The following CFAP44 variants were observed in gnomAD, a reference collection of about 807,000 sequenced individuals.
CFAP44 encodes cilia- and flagella-associated protein 44.
CFAP44 carries 134 observed loss-of-function variants against 216.2 expected under a neutral mutation model. The observed-to-expected ratio is 0.62, with a 90% CI of 0.54 to 0.72. CFAP44 has a LOEUF of 0.72. Among genes scored for constraint, CFAP44 ranks in the 30% least tolerant of loss-of-function variants. The pLI, the probability that CFAP44 is intolerant of heterozygous loss-of-function variation, is 0.00. For synonymous variants in CFAP44, 700 were observed against 727.6 expected, an observed-to-expected ratio of 0.96 and a Z score of 0.61; for missense variants, 2,035 against 2,182.1, an observed-to-expected ratio of 0.93 and a Z score of 1.34.
At position 113,380,945 on chromosome 3, in the gene CFAP44, A is replaced by T. The variant is rs1027877774; in HGVS notation, c.2006T>A (p.Met669Lys). 2 of 1,594,484 alleles carry T rather than the reference A, an allele frequency of 1.3e-6. No individual in the cohort carries two copies. Among genetic ancestry groups the T allele is most frequent in the Non-Finnish European group, 1.7e-6 (2 of 1,170,864 alleles). The change falls in exon 16 of 35, where the codon ATG becomes AAG. Residue 669 changes from methionine (M) to lysine (K), a missense_variant. Physicochemically the swap from Met to Lys is moderately conservative, Grantham distance 95 (BLOSUM62 -1). Coordinates refer to ENST00000393845, the MANE Select transcript of CFAP44 (RefSeq NM_001164496.2). ...HDVVSYEIKD[M>K]CIKCFHFSSV... The stretch of plus-strand genomic sequence containing the variant: ...TGAAAAATGGAAACATTTTATGCAC[A>T]TGTCTTTGATTTCATAGGAGACTAC...
intron 6 of CFAP44, among the ~76,000 whole-genome samples, chr3:113,414,007 CGTTT>C (rs1370627758): frequency 6.6e-6 from 1 of 152,104 alleles, no homozygotes; most frequent in Non-Finnish European, 1.5e-5. Context: ...AATGTTTTTC[CGTTT>C]GTTTGTGTCC....
intron 28 of CFAP44, among the ~76,000 whole-genome samples, chr3:113,323,424 A>G (rs1261460658): frequency 6.6e-6 from 1 of 152,202 alleles, no homozygotes; most frequent in Non-Finnish European, 1.5e-5. Context: ...TTGAGCACAC[A>G]TGGACATAAG....
At chr3:113,311,191 T>C (rs1322609950) in intron 28 of CFAP44, among the ~76,000 whole-genome samples, 1 of 152,156 alleles carries the variant, frequency 6.6e-6, no homozygotes, top group Non-Finnish European at 1.5e-5. Context: ...AATGAAAAAA[T>C]GCAAAGCCTC....
chr3:113,396,825 T>TACCTGA, intron 13 of CFAP44, 98 bp from the exon 14 acceptor site: 1 of 1,214,734 alleles, frequency 8.2e-7, no homozygotes, highest in Non-Finnish European at 1.1e-6. Context: ...AATTTAATAT[T>TACCTGA]GGCTGCCCAT....
chr3:113,308,364 T>A, intron 28 of CFAP44, 96 bp from the exon 29 acceptor site: 1 of 993,262 alleles, frequency 1.0e-6, no homozygotes, highest in Non-Finnish European at 1.4e-6. Flanking sequence ...AGTTAGTCAC[T>A]AGAAAAATAA....
chr3:113,313,707 G>T (rs1231146753), intron 28 of CFAP44, among the ~76,000 whole-genome samples: 1 of 152,164 alleles, frequency 6.6e-6, no homozygotes, highest in African/African-American at 2.4e-5. Flanking sequence ...TGTCTCACAA[G>T]ATCTAATGGT....
In CFAP44 at chr3:113,291,578, C is replaced by G. The variant is rs1223580604; in HGVS notation, c.5544G>C (p.Glu1848Asp). The G allele has an allele frequency of 6.5e-7, 1 of 1,537,056 alleles. No individual in the cohort carries two copies. Among genetic ancestry groups the G allele is most frequent in the Admixed American group, 2.0e-5 (1 of 50,964 alleles). The stretch of plus-strand genomic sequence containing the variant: ...AAACTCAAAGGTCTGCGGGCTGTAT[C>G]TCTTTCTCTCGTGGAGACTGAATGG... ...LPPIQSPREK[E>D]IQPADL The change falls in exon 35 of 35, where the codon GAG becomes GAC. Residue 1848 changes from glutamate to aspartate, a missense_variant. Glu to Asp is a conservative substitution (Grantham distance 45, BLOSUM62 2). This residue lies in a region of CFAP44 where 1,883 missense variants were observed against 2,023.7 expected (regional missense o/e 0.93). Coordinates refer to ENST00000393845, the MANE Select transcript of CFAP44 (RefSeq NM_001164496.2).
intron 14 of CFAP44, among the ~76,000 whole-genome samples, chr3:113,396,225 A>G (rs575778162): frequency 2.6e-5 from 4 of 152,348 alleles, no homozygotes; most frequent in Non-Finnish European, 5.9e-5. Context: ...CTGATTATAA[A>G]TAATACAACT....
At chr3:113,409,395 A>G in intron 6 of CFAP44, 73 bp from the exon 7 acceptor site, 1 of 1,377,664 alleles carries the variant, frequency 7.3e-7, no homozygotes, top group Non-Finnish European at 1.0e-6. Context: ...TGTAAAAAAA[A>G]GAGAGGGAGT....
chr3:113,420,376 C>A (rs1344633748), intron 4 of CFAP44, among the ~76,000 whole-genome samples, 197 bp from the exon 5 acceptor site: 2 of 152,036 alleles, frequency 1.3e-5, no homozygotes, highest in African/African-American at 4.8e-5. Context: ...AAAAAAAAGG[C>A]CTGGGCAGGA....
At chr3:113,401,450 T>TA in intron 10 of CFAP44, 134 bp downstream of exon 10, 2 of 1,242,098 alleles carry the variant, frequency 1.6e-6, no homozygotes, top group Middle Eastern at 2.8e-4. Flanking sequence ...TTCTATATTT[T>TA]AGACTAAAGC....
At chr3:113,295,112 T>C (rs1949868401) in intron 33 of CFAP44, among the ~76,000 whole-genome samples, 1 of 152,248 alleles carries the variant, frequency 6.6e-6, no homozygotes, top group Non-Finnish European at 1.5e-5. Flanking sequence ...CTGGTACTCA[T>C]TACTTAAAAG....
chr3:113,376,772 A>G (rs907124908), intron 17 of CFAP44, among the ~76,000 whole-genome samples: 4 of 152,234 alleles, frequency 2.6e-5, no homozygotes, highest in Admixed American at 6.5e-5. Context: ...TTTTTATGTA[A>G]CAGAGCAAGG....
intron 13 of CFAP44, 101 bp from the exon 14 acceptor site, chr3:113,396,828 C>T: frequency 8.4e-7 from 1 of 1,196,160 alleles, no homozygotes; most frequent in African/African-American, 1.5e-5. Flanking sequence ...TTAATATTGG[C>T]TGCCCATTGG....
chr3:113,419,024 C>T (rs1387306887), intron 5 of CFAP44, among the ~76,000 whole-genome samples: 1 of 152,186 alleles, frequency 6.6e-6, no homozygotes, highest in Non-Finnish European at 1.5e-5. Context: ...TGCTTGACCA[C>T]ACTACACCTC....
intron 18 of CFAP44, among the ~76,000 whole-genome samples, chr3:113,372,678 C>T (rs143064768): frequency 1.3e-5 from 2 of 151,962 alleles, no homozygotes; most frequent in African/African-American, 2.4e-5. Flanking sequence ...TGTATACCTA[C>T]GTAACAAATG....
At chr3:113,422,698 C>G (rs150263680) in intron 4 of CFAP44, among the ~76,000 whole-genome samples, 17 of 152,220 alleles carry the variant, frequency 1.1e-4, no homozygotes, top group African/African-American at 3.9e-4. Flanking sequence ...TCTTCCCTTT[C>G]TTTCTTTCCC....
chr3:113,440,031 C>T (rs759227192), intron 1 of CFAP44, among the ~76,000 whole-genome samples: 2 of 152,130 alleles, frequency 1.3e-5, no homozygotes, highest in Non-Finnish European at 1.5e-5. Context: ...ATTCTCAAAA[C>T]GACCCTATGA....
intron 24 of CFAP44, among the ~76,000 whole-genome samples, chr3:113,339,385 G>T (rs1950309958): frequency 6.6e-6 from 1 of 152,154 alleles, no homozygotes; most frequent in South Asian, 2.1e-4. Context: ...GAGACAGAAA[G>T]CTAGCATCCT....
Sources: gnomAD v4.1 joint callset for allele counts (sites outside exome capture counted in the v4.1 genomes callset) on GRCh38, gnomAD v4.1.1 for gene constraint, gnomAD v4.1.1 regional missense constraint, MANE v1.5 for transcripts, NCBI Gene and HGNC (gene_info 2026-07-23, HGNC 2026-07-21) for gene names.